The following LEMD1 variants were observed in gnomAD, a reference collection of about 807,000 sequenced individuals.
The protein encoded by LEMD1 is LEM domain-containing protein 1.
Under a neutral mutation model 17.4 loss-of-function variants are expected in LEMD1, and 18 were observed. The observed-to-expected ratio is 1.04, with a 90% CI of 0.72 to 1.54. The LOEUF (loss-of-function observed/expected upper bound fraction) is 1.54. Ranked by LOEUF, LEMD1 falls within the 40% of genes most tolerant of loss-of-function variation. The pLI, the probability that LEMD1 is intolerant of heterozygous loss-of-function variation, is 0.00. For missense variants in LEMD1, 195 were observed against 210.4 expected, an observed-to-expected ratio of 0.93 and a Z score of 0.45; for synonymous variants, 88 against 77.8, an observed-to-expected ratio of 1.13 and a Z score of -0.69.
chr1:205,439,630 C>G (rs1558743089), intron 1 of LEMD1, among the ~76,000 whole-genome samples: 1 of 152,342 alleles, frequency 6.6e-6, no homozygotes, highest in East Asian at 1.9e-4. Context: ...CCTCTCTACC[C>G]AGGTCACCTG....
chr1:205,414,840 A>G (rs2102423597), intron 4 of LEMD1, among the ~76,000 whole-genome samples: 1 of 152,244 alleles, frequency 6.6e-6, no homozygotes, highest in South Asian at 2.1e-4. Context: ...GTGAGATATC[A>G]TGGTGCCACT....
At chr1:205,412,889 T>G (rs1022413396) in intron 4 of LEMD1, among the ~76,000 whole-genome samples, 3 of 152,234 alleles carry the variant, frequency 2.0e-5, no homozygotes, top group South Asian at 2.1e-4. Context: ...ATACTCAGGT[T>G]GCTTTTTCTG....
intron 5 of LEMD1, 124 bp from the exon 6 acceptor site, chr1:205,381,980 C>G (rs779901838): frequency 4.7e-6 from 4 of 851,632 alleles, no homozygotes; most frequent in Non-Finnish European, 7.7e-6. Context: ...GGTAGCCTCT[C>G]CTTACTAAAA....
At chr1:205,382,194 G>T in intron 5 of LEMD1, 2 of 228,978 alleles carry the variant, frequency 8.7e-6, no homozygotes, top group Non-Finnish European at 1.7e-5. Context: ...TCGTAGGCCA[G>T]GTGTGGTGGT....
intron 1 of LEMD1, among the ~76,000 whole-genome samples, chr1:205,444,216 T>G (rs1356455734): frequency 6.6e-6 from 1 of 151,690 alleles, no homozygotes; most frequent in African/African-American, 2.4e-5. Flanking sequence ...CAGAATAGGA[T>G]GGAGAGGCAG....
chr1:205,383,227 G>T (rs1420325248), intron 5 of LEMD1, among the ~76,000 whole-genome samples: 1 of 152,068 alleles, frequency 6.6e-6, no homozygotes, highest in Non-Finnish European at 1.5e-5. Flanking sequence ...CCAGGTAACT[G>T]GGACTGTAGG....
intron 4 of LEMD1, among the ~76,000 whole-genome samples, chr1:205,392,125 A>C (rs1664372550): frequency 6.6e-6 from 1 of 151,940 alleles, no homozygotes; most frequent in Admixed American, 6.6e-5. Flanking sequence ...AAAACAAAAA[A>C]CAAAAACCAT....
intron 2 of LEMD1, 59 bp from the exon 3 acceptor site, chr1:205,419,411 A>G: frequency 6.3e-7 from 1 of 1,577,282 alleles, no homozygotes; most frequent in Non-Finnish European, 8.7e-7. Context: ...TGAGCCTACT[A>G]GGTTCAAGGT....
intron 4 of LEMD1, among the ~76,000 whole-genome samples, chr1:205,387,602 A>G (rs1420189660): frequency 3.9e-5 from 6 of 152,226 alleles, no homozygotes; most frequent in Non-Finnish European, 7.3e-5. Flanking sequence ...CCCAGGAGAC[A>G]CATAATATCT....
At chr1:205,391,478 G>A (rs1489211119) in intron 4 of LEMD1, among the ~76,000 whole-genome samples, 1 of 152,166 alleles carries the variant, frequency 6.6e-6, no homozygotes, top group Admixed American at 6.5e-5. Context: ...CAAGGAAAAG[G>A]GCAGCCTAGT....
intron 4 of LEMD1, among the ~76,000 whole-genome samples, chr1:205,393,172 CCA>C (rs1664419893): frequency 6.6e-6 from 1 of 151,814 alleles, no homozygotes; most frequent in African/African-American, 2.4e-5. Flanking sequence ...AAAAGAAAAC[CCA>C]GTCTAAAGAT....
chr1:205,393,853 A>T (rs1413563917), intron 4 of LEMD1, among the ~76,000 whole-genome samples: 1 of 146,672 alleles, frequency 6.8e-6, no homozygotes, highest in Non-Finnish European at 1.5e-5. Flanking sequence ...CTAGGTACCT[A>T]GCCAAAAAAA....
chr1:205,419,207 AG>A (rs771161835), intron 3 of LEMD1, 22 bp downstream of exon 3: 2 of 1,611,530 alleles, frequency 1.2e-6, no homozygotes, highest in Non-Finnish European at 1.7e-6. Flanking sequence ...GTTGCCATCT[AG>A]CAGTACAGCT....
intron 4 of LEMD1, among the ~76,000 whole-genome samples, chr1:205,402,483 T>C (rs1473866716): frequency 6.6e-6 from 1 of 152,148 alleles, no homozygotes; most frequent in Non-Finnish European, 1.5e-5. Flanking sequence ...TGGGAGTTCA[T>C]TCATGATTTG....
chr1:205,447,706 T>C (rs543930127), intron 1 of LEMD1, among the ~76,000 whole-genome samples: 4 of 151,890 alleles, frequency 2.6e-5, no homozygotes, highest in South Asian at 4.2e-4. Flanking sequence ...CTCCTGGAGA[T>C]GGTAGCACAC....
chr1:205,427,044 G>A (rs1213591178), upstream of LEMD1, among the ~76,000 whole-genome samples: 1 of 152,096 alleles, frequency 6.6e-6, no homozygotes, highest in Non-Finnish European at 1.5e-5. Context: ...TTTCAGAGTG[G>A]TTAGGAGAAC....
chr1:205,406,211 G>T (rs1345365987), intron 4 of LEMD1, among the ~76,000 whole-genome samples: 1 of 152,176 alleles, frequency 6.6e-6, no homozygotes, highest in Admixed American at 6.5e-5. Flanking sequence ...GCTGCGTACT[G>T]GGAGAACCAC....
At chr1:205,402,184 A>G (rs1203875131) in intron 4 of LEMD1, among the ~76,000 whole-genome samples, 1 of 152,100 alleles carries the variant, frequency 6.6e-6, no homozygotes, top group African/African-American at 2.4e-5. Context: ...TTGGCGATGC[A>G]GGCTCTTTTT....
intron 1 of LEMD1, among the ~76,000 whole-genome samples, chr1:205,439,325 G>T (rs1460674348): frequency 6.6e-6 from 1 of 152,206 alleles, no homozygotes; most frequent in Non-Finnish European, 1.5e-5. Context: ...TGTAGAAGGT[G>T]GGGGCTAGGA....
Sources: gnomAD v4.1 joint callset for allele counts (sites outside exome capture counted in the v4.1 genomes callset) on GRCh38, gnomAD v4.1.1 for gene constraint, MANE v1.5 for transcripts, NCBI Gene and HGNC (gene_info 2026-07-23, HGNC 2026-07-21) for gene names.